The following GALNT10 variants were observed in gnomAD, a reference collection of about 807,000 sequenced individuals.
The protein encoded by GALNT10 is GalNAc transferase 10.
A neutral mutation model predicts 75.0 loss-of-function variants in GALNT10; 41 were observed. That is an observed-to-expected ratio of 0.55 (90% confidence interval 0.43 to 0.71). The LOEUF (loss-of-function observed/expected upper bound fraction) is 0.71, where lower values mean the gene tolerates loss of function less well. Among genes scored for constraint, GALNT10 ranks in the 30% least tolerant of loss-of-function variants. The pLI is 0.00. For missense variants in GALNT10, 727 were observed against 818.5 expected (o/e 0.89, Z 1.36); for synonymous variants, 302 against 313.0 (o/e 0.96, Z 0.37).
At chr5:154,224,690 A>G (rs1348390418) in intron 1 of GALNT10, among the ~76,000 whole-genome samples, 2 of 152,162 alleles carry the variant, frequency 1.3e-5, no homozygotes, top group Admixed American at 1.3e-4. Flanking sequence ...TGGAGTATCT[A>G]ATATGTTAAT....
chr5:154,279,813 T>C (rs1046068707), intron 1 of GALNT10, among the ~76,000 whole-genome samples: 14 of 152,198 alleles, frequency 9.2e-5, no homozygotes, highest in African/African-American at 3.4e-4. Flanking sequence ...GTATGAGTTC[T>C]TTATGCATTC....
chr5:154,305,425 T>C (rs1422224371), intron 3 of GALNT10, among the ~76,000 whole-genome samples: 5 of 152,126 alleles, frequency 3.3e-5, no homozygotes, highest in Admixed American at 1.3e-4. Context: ...GATTGTCAGA[T>C]TGGATAAGAA....
intron 1 of GALNT10, among the ~76,000 whole-genome samples, chr5:154,267,764 A>G (rs12523389): frequency 0.36 from 53,997 of 151,988 alleles, 11,789 homozygotes; most frequent in East Asian, 0.76. Context: ...AGATTTCCCA[A>G]ACTCCTTGTA....
chr5:154,325,234 C>T (rs1343964882), intron 3 of GALNT10, among the ~76,000 whole-genome samples: 1 of 152,014 alleles, frequency 6.6e-6, no homozygotes, highest in Non-Finnish European at 1.5e-5. Flanking sequence ...CTGTAGATTC[C>T]TAGTTATATA....
At chr5:154,214,790 G>T (rs1423541686) in intron 1 of GALNT10, among the ~76,000 whole-genome samples, 1 of 152,146 alleles carries the variant, frequency 6.6e-6, no homozygotes, top group African/African-American at 2.4e-5. Context: ...AAAAAGGGGA[G>T]AAGATAAGGG....
At chr5:154,247,389 A>G (rs1424455830) in intron 1 of GALNT10, among the ~76,000 whole-genome samples, 3 of 152,178 alleles carry the variant, frequency 2.0e-5, no homozygotes, top group African/African-American at 4.8e-5. Context: ...GAATCTATCA[A>G]TTACCTTGGG....
intron 1 of GALNT10, among the ~76,000 whole-genome samples, chr5:154,262,924 T>C (rs569081815): frequency 9.2e-5 from 14 of 151,822 alleles, no homozygotes; most frequent in Admixed American, 2.6e-4. Flanking sequence ...TAACTAGATA[T>C]AATGCAGAAT....
At chr5:154,337,540 C>A in intron 4 of GALNT10, 1 of 749,014 alleles carries the variant, frequency 1.3e-6, no homozygotes, top group Non-Finnish European at 2.4e-6. Context: ...CATGGTTTGG[C>A]GAAGTATTGG....
chr5:154,200,736 T>G (rs1292031999), intron 1 of GALNT10, among the ~76,000 whole-genome samples: 1 of 152,230 alleles, frequency 6.6e-6, no homozygotes, highest in Non-Finnish European at 1.5e-5. Context: ...TCAGAGAGCT[T>G]CTTTTATTAA....
intron 4 of GALNT10, among the ~76,000 whole-genome samples, chr5:154,360,713 A>G (rs467368): frequency 0.73 from 111,419 of 152,098 alleles, 40,982 homozygotes; most frequent in East Asian, 0.86. Flanking sequence ...GATCATGGTC[A>G]AAAGAAACTT....
At chr5:154,198,813 C>A (rs974131669) in intron 1 of GALNT10, among the ~76,000 whole-genome samples, 1 of 152,174 alleles carries the variant, frequency 6.6e-6, no homozygotes, top group Non-Finnish European at 1.5e-5. Flanking sequence ...TCTCATCTGC[C>A]TACTTAGATC....
intron 1 of GALNT10, among the ~76,000 whole-genome samples, chr5:154,239,399 G>A (rs993157195): frequency 3.3e-5 from 5 of 152,198 alleles, no homozygotes; most frequent in African/African-American, 4.8e-5. Context: ...GGAGGTGAGC[G>A]GTGGGGCGAG....
chr5:154,361,514 C>T lies in GALNT10; in HGVS notation c.569-14763C>T, dbSNP rs1046235289. ...CATGTTCTCATTGCAGAAATGTCTTCCTCGGACCCGAACTTGGTTACTTGG... is the reference window on the plus strand; with the variant it reads ...CATGTTCTCATTGCAGAAATGTCTTTCTCGGACCCGAACTTGGTTACTTGG... On this transcript the variant is annotated intron_variant, in intron 4 of 11. Transcript: ENST00000297107. 4.6e-5 allele frequency among the ~76,000 whole-genome samples: 7 copies of T among 152,226 alleles called. No individual in the cohort carries two copies. In the East Asian group the frequency reaches 1.3e-3, roughly 29 times the overall value.
intron 4 of GALNT10, among the ~76,000 whole-genome samples, chr5:154,366,746 G>T (rs1340593543): frequency 6.6e-6 from 1 of 152,198 alleles, no homozygotes; most frequent in Admixed American, 6.5e-5. Context: ...GTACTTCAGA[G>T]ATCTCAAGTC....
chr5:154,314,504 A>T (rs1754569418), intron 3 of GALNT10, among the ~76,000 whole-genome samples: 1 of 151,972 alleles, frequency 6.6e-6, no homozygotes, highest in African/African-American at 2.4e-5. Context: ...GGCTTTCCAG[A>T]CTTAATATTC....
intron 8 of GALNT10, among the ~76,000 whole-genome samples, chr5:154,405,682 C>T (rs1427086972): frequency 1.3e-5 from 2 of 152,018 alleles, no homozygotes; most frequent in East Asian, 1.9e-4. Flanking sequence ...TGATAAGGCT[C>T]ACCTAAAAAT....
At chr5:154,406,897 A>C (rs1406778634) in intron 8 of GALNT10, among the ~76,000 whole-genome samples, 2 of 152,142 alleles carry the variant, frequency 1.3e-5, no homozygotes, top group African/African-American at 4.8e-5. Flanking sequence ...AGTTGTCCTA[A>C]TAGCTCCGAG....
At chr5:154,336,245 T>TC (rs1350515832) in intron 4 of GALNT10, among the ~76,000 whole-genome samples, 4 of 152,208 alleles carry the variant, frequency 2.6e-5, no homozygotes, top group African/African-American at 9.7e-5. Context: ...CTGAAGGACA[T>TC]CTTGGCTGCT....
intron 4 of GALNT10, among the ~76,000 whole-genome samples, chr5:154,353,148 TTTTG>T (rs931332129): frequency 6.6e-6 from 1 of 152,150 alleles, no homozygotes; most frequent in African/African-American, 2.4e-5. Context: ...TGCTGAAAAC[TTTTG>T]TTTGTTTTGT....
Sources: allele counts gnomAD v4.1 joint callset (sites outside exome capture counted in the v4.1 genomes callset), GRCh38; gene constraint gnomAD v4.1.1; transcripts MANE v1.5; gene names NCBI Gene and HGNC (gene_info 2026-07-23, HGNC 2026-07-21).